The following CFAP299 variants were observed in gnomAD, a reference collection of about 807,000 sequenced individuals.
CFAP299 encodes cilia- and flagella-associated protein 299.
A neutral mutation model predicts 27.0 loss-of-function variants in CFAP299; 21 were observed. The ratio of observed to expected loss-of-function variants is 0.78; its 90% CI spans 0.55 to 1.12. The LOEUF (loss-of-function observed/expected upper bound fraction) is 1.12. CFAP299 is among the 50% of genes most tolerant of loss of function. The pLI is 0.00. For missense variants in CFAP299, 310 were observed against 276.6 expected, an observed-to-expected ratio of 1.12 and a Z score of -0.86; for synonymous variants, 104 against 98.1, an observed-to-expected ratio of 1.06 and a Z score of -0.36.
At chr4:80,800,055 C>G (rs1321190065) in intron 3 of CFAP299, among the ~76,000 whole-genome samples, 1 of 49,648 alleles carries the variant, frequency 2.0e-5, no homozygotes, top group African/African-American at 8.4e-5. Context: ...ATAATAAATG[C>G]TATAATATAT....
intron 2 of CFAP299, among the ~76,000 whole-genome samples, chr4:80,439,969 T>C (rs1456155880): frequency 6.6e-6 from 1 of 152,170 alleles, no homozygotes; most frequent in Admixed American, 6.5e-5. Context: ...CCAACAGCTC[T>C]GCAAAGCCGC....
rs923618574 is a variant in CFAP299, at chr4:80,390,692, T to C, written c.242+27808T>C. The stretch of plus-strand genomic sequence containing the variant: ...ATGTATACATGTATACACACATATA[T>C]GTGTATATATGTATATATGTATACA... On this transcript the variant is annotated intron_variant, in intron 2 of 5. Coordinates refer to ENST00000358105, the MANE Select transcript of CFAP299 (RefSeq NM_152770.3). Among the ~76,000 whole-genome samples the C allele has an allele frequency of 1.2e-3, 121 of 103,722 alleles. 3 individuals are homozygous for C. Among genetic ancestry groups the C allele is most frequent in the Non-Finnish European group, 1.1e-3 (50 of 45,742 alleles). 68.0% of individuals were successfully genotyped at this position (103,722 alleles called of 152,430 possible).
intron 3 of CFAP299, among the ~76,000 whole-genome samples, chr4:80,860,416 T>C (rs1395017345): frequency 6.6e-6 from 1 of 152,366 alleles, no homozygotes; most frequent in East Asian, 1.9e-4. Context: ...CTCGTCAAAG[T>C]CATTCTCTGT....
intron 3 of CFAP299, among the ~76,000 whole-genome samples, chr4:80,678,060 A>G (rs1191751014): frequency 1.3e-5 from 2 of 152,038 alleles, no homozygotes; most frequent in Admixed American, 6.6e-5. Context: ...TAAATTTATC[A>G]TCAATCTAGT....
At chr4:80,336,252 G>C (rs1228613488) in intron 1 of CFAP299, among the ~76,000 whole-genome samples, 1 of 152,218 alleles carries the variant, frequency 6.6e-6, no homozygotes, top group African/African-American at 2.4e-5. Context: ...ATCTAGGACA[G>C]ACACCTGTTT....
chr4:80,907,847 T>C (rs1735262176), intron 4 of CFAP299, among the ~76,000 whole-genome samples: 2 of 152,154 alleles, frequency 1.3e-5, no homozygotes, highest in South Asian at 4.1e-4. Flanking sequence ...GACAGTGTTT[T>C]TATTATGAAT....
At chr4:80,345,196 A>G (rs1578336224) in intron 1 of CFAP299, among the ~76,000 whole-genome samples, 1 of 152,226 alleles carries the variant, frequency 6.6e-6, no homozygotes, top group Non-Finnish European at 1.5e-5. Context: ...GAGGAAGTCA[A>G]GTGATGTTTG....
At chr4:80,391,975 A>G (rs542048006) in intron 2 of CFAP299, among the ~76,000 whole-genome samples, 10 of 152,320 alleles carry the variant, frequency 6.6e-5, no homozygotes, top group Non-Finnish European at 4.4e-5. Context: ...AAAGGAGATC[A>G]TTTTGGACCT....
At chr4:80,352,029 G>A (rs1723039553) in intron 1 of CFAP299, among the ~76,000 whole-genome samples, 1 of 151,926 alleles carries the variant, frequency 6.6e-6, no homozygotes, top group South Asian at 2.1e-4. Context: ...TTAATATCAG[G>A]CAAAGTAGAC....
chr4:80,698,919 G>C (rs1017102863), intron 3 of CFAP299, among the ~76,000 whole-genome samples: 1 of 152,134 alleles, frequency 6.6e-6, no homozygotes, highest in Admixed American at 6.5e-5. Context: ...AACACATGAG[G>C]ATTAAGGGGA....
chr4:80,525,820 T>C (rs944102372), intron 2 of CFAP299, among the ~76,000 whole-genome samples: 1 of 152,148 alleles, frequency 6.6e-6, no homozygotes, highest in African/African-American at 2.4e-5. Flanking sequence ...TAATCTCTTA[T>C]TATGCCAAAT....
intron 2 of CFAP299, among the ~76,000 whole-genome samples, chr4:80,504,462 CATATATATATATATAT>C (rs56729877): frequency 0.012 from 461 of 37,784 alleles, 16 homozygotes; most frequent in South Asian, 0.023. Flanking sequence ...TAAAATCTCA[CATATATATATATATAT>C]ATATATATAT....
intron 2 of CFAP299, among the ~76,000 whole-genome samples, chr4:80,406,125 T>G (rs1239089852): frequency 6.6e-6 from 1 of 152,280 alleles, no homozygotes. Flanking sequence ...GAAATAAATA[T>G]GTTAGTATAT....
At position 80,608,861 on chromosome 4, in the gene CFAP299, ATGTGTG is replaced by A. The variant is rs33963629; in HGVS notation, c.333+25702_333+25707del. 9.5e-3 allele frequency among the ~76,000 whole-genome samples: 1,379 copies of A among 145,868 alleles called. 15 individuals carry two copies. Among genetic ancestry groups the A allele is most frequent in the African/African-American group, 0.026 (1,015 of 38,354 alleles). On this transcript the variant is annotated intron_variant, in intron 3 of 5. Transcript: ENST00000358105. ...AAACTGGGTAAAGCTTACACGATGC[ATGTGTG>A]TGTGTGTGTGTGTGTGTGTGTGTAT...
rs35374483 is a variant in CFAP299, at chr4:80,924,514, ATG to A, written c.477-20272_477-20271del. On this transcript the variant is annotated intron_variant, in intron 4 of 5. Coordinates refer to ENST00000358105, the MANE Select transcript of CFAP299 (RefSeq NM_152770.3). ...ATACATAATCGTGTGACAATTCATT[ATG>A]TGTGTGTGTGTGTGTGTGTGTGTAT... 3.6e-3 allele frequency among the ~76,000 whole-genome samples: 488 copies of A among 137,448 alleles called. 1 individual carries two copies. The highest frequency in any genetic ancestry group is 0.014 in the Middle Eastern group (4 of 278). The allele number at this position is 137,448 out of a possible 152,430, so 90.2% of individuals were successfully genotyped here.
At chr4:80,533,970 C>T (rs1055868045) in intron 2 of CFAP299, among the ~76,000 whole-genome samples, 2 of 151,972 alleles carry the variant, frequency 1.3e-5, no homozygotes, top group Non-Finnish European at 2.9e-5. Flanking sequence ...TATACATAAG[C>T]ATTAATTGGA....
intron 3 of CFAP299, among the ~76,000 whole-genome samples, chr4:80,816,218 C>T (rs988592780): frequency 6.6e-6 from 1 of 152,028 alleles, no homozygotes; most frequent in Non-Finnish European, 1.5e-5. Context: ...CCAACTTACT[C>T]TGGCAGATAA....
At chr4:80,937,390 C>T (rs1468494939) in intron 4 of CFAP299, among the ~76,000 whole-genome samples, 2 of 135,128 alleles carry the variant, frequency 1.5e-5, no homozygotes, top group Admixed American at 7.9e-5. Context: ...GATCACACCT[C>T]ACTCTAGCAT....
chr4:80,953,296 A>G (rs956638397), intron 5 of CFAP299, among the ~76,000 whole-genome samples: 1 of 152,090 alleles, frequency 6.6e-6, no homozygotes, highest in East Asian at 1.9e-4. Context: ...TGGCACAGTC[A>G]CAGTTATTAA....
Sources: allele counts gnomAD v4.1 joint callset (sites outside exome capture counted in the v4.1 genomes callset), GRCh38; gene constraint gnomAD v4.1.1; transcripts MANE v1.5; gene names NCBI Gene and HGNC (gene_info 2026-07-23, HGNC 2026-07-21).